PTPN21: variants seen among roughly 807,000 people sequenced by gnomAD.
PTPN21 encodes the protein tyrosine-protein phosphatase non-receptor type 21.
Under a neutral mutation model 131.8 loss-of-function variants are expected in PTPN21, and 77 were observed. That is an observed-to-expected ratio of 0.58 (90% CI 0.49 to 0.71). The LOEUF (loss-of-function observed/expected upper bound fraction) is 0.71. Among genes scored for constraint, PTPN21 ranks in the 30% least tolerant of loss-of-function variants. The pLI is 0.00. For synonymous variants in PTPN21, 715 were observed against 621.3 expected (o/e 1.15, Z -2.24); for missense variants, 1,552 against 1,527.1 (o/e 1.02, Z -0.27).
Position 88,479,600 on chromosome 14 carries a change from G to A in PTPN21, c.1831C>T (p.Leu611=). Residue 611 remains leucine (L), a synonymous_variant, in exon 13 of 19, where the codon CTG becomes TTG. Transcript: ENST00000556564. ...TCCTGCAGCGAGTGCGCCACGGGCA[G>A]GCTGTCCTCCTGGAACGTTTGCACC... is the stretch of plus-strand genomic sequence containing the variant. ...HSVQTFQEDS[L]PVAHSLQEVS... 6.3e-6 allele frequency: 10 copies of A among 1,587,524 alleles called. No homozygotes were observed. Among genetic ancestry groups the A allele is most frequent in the South Asian group, 1.1e-5 (1 of 89,548 alleles).
chr14:88,548,014 C>T (rs1425446571), intron 2 of PTPN21, among the ~76,000 whole-genome samples: 1 of 152,108 alleles, frequency 6.6e-6, no homozygotes, highest in East Asian at 1.9e-4. Context: ...AATAGATCTG[C>T]ACTTCCTTTC....
chr14:88,500,973 G>T, intron 7 of PTPN21, 102 bp from the exon 8 acceptor site: 1 of 802,438 alleles, frequency 1.2e-6, no homozygotes, highest in Non-Finnish European at 2.2e-6. Flanking sequence ...AAGTTCCGAA[G>T]ACCTACAGAG....
At position 88,472,801 on chromosome 14, in the gene PTPN21, T is replaced by C. The variant is rs192947343; in HGVS notation, c.2650-336A>G. Among the ~76,000 whole-genome samples, 659 of 151,918 alleles carry C rather than the reference T, an allele frequency of 4.3e-3. 11 individuals are homozygous for C. The highest frequency in any genetic ancestry group is 0.015 in the African/African-American group (625 of 41,426). On this transcript the variant is annotated intron_variant, in intron 14 of 18. Transcript: ENST00000556564. ...AGGAGGATTGCTTGAGCCCAGGAGG[T>C]TGAGGCTGCAGTGAACCATGAGAAC...
chr14:88,475,333 C>T (rs190848216), intron 13 of PTPN21, among the ~76,000 whole-genome samples: 1 of 152,158 alleles, frequency 6.6e-6, no homozygotes, highest in Admixed American at 6.5e-5. Flanking sequence ...TAATTGGAGA[C>T]TGTGATTGGT....
At chr14:88,490,744 C>T (rs2077810770) in intron 10 of PTPN21, among the ~76,000 whole-genome samples, 1 of 152,250 alleles carries the variant, frequency 6.6e-6, no homozygotes, top group South Asian at 2.1e-4. Flanking sequence ...GCAGGGAGCA[C>T]TCACCAGCCA....
At position 88,550,483 on chromosome 14, in the gene PTPN21, T is replaced by G. The variant is rs1310598831; in HGVS notation, c.-66A>C. The G allele has an allele frequency of 4.1e-6, 6 of 1,472,836 alleles. No homozygotes were observed. The highest frequency in any genetic ancestry group is 5.6e-6 in the Non-Finnish European group (6 of 1,072,944). 91.2% of individuals were successfully genotyped at this position (1,472,836 alleles called of 1,614,324 possible). A position where few individuals can be genotyped will look rare whatever the true frequency, so the allele number is the denominator to read the frequency against. ...GCTACCCCCACCAACCCAGCGCTGG[T>G]GACGCCAGGAGAAAGCGATCCTCTC... On this transcript the variant is annotated 5_prime_UTR_variant, in exon 2 of 19. Transcript: ENST00000556564.
intron 2 of PTPN21, among the ~76,000 whole-genome samples, chr14:88,540,413 AC>A (rs2078689417): frequency 6.6e-6 from 1 of 152,224 alleles, no homozygotes; most frequent in Non-Finnish European, 1.5e-5. Context: ...CAGCCATATC[AC>A]ATACAAAAGA....
intron 2 of PTPN21, among the ~76,000 whole-genome samples, chr14:88,522,113 G>A (rs1481935579): frequency 6.6e-6 from 1 of 152,028 alleles, no homozygotes; most frequent in Non-Finnish European, 1.5e-5. Flanking sequence ...TTTATCTAAA[G>A]GTACAAACAG....
chr14:88,468,034 C>T lies in PTPN21; in HGVS notation c.*103G>A. ...GCGCCACTTACGTCCCAGTGCCACG[C>T]TGCGTGGATCAAGTGTCAACGGGAA... On this transcript the variant is annotated 3_prime_UTR_variant, in exon 19 of 19. Transcript: ENST00000556564. 7.1e-7 allele frequency: 1 copy of T among 1,417,016 alleles called. No homozygotes were observed. Among genetic ancestry groups the T allele is most frequent in the Admixed American group, 1.9e-5 (1 of 53,968 alleles). 87.8% of individuals were successfully genotyped at this position (1,417,016 alleles called of 1,614,324 possible). A position where few individuals can be genotyped will look rare whatever the true frequency, so the allele number is the denominator to read the frequency against.
Position 88,469,404 on chromosome 14 carries a change from A to C in PTPN21, c.3235+95T>G. ...AAAACAAGTCCGAAGCTTATATGAGATAACATAAAGGAAATATTTCGGAAA... is the reference window on the plus strand; with the variant it reads ...AAAACAAGTCCGAAGCTTATATGAGCTAACATAAAGGAAATATTTCGGAAA... On this transcript the variant is annotated intron_variant, in intron 17 of 18. Transcript: ENST00000556564. This position sits in a 1 kb window ranked among gnomAD's most constrained non-coding sequence, Gnocchi z 4.3. 8.9e-6 allele frequency: 10 copies of C among 1,122,424 alleles called. No individual in the cohort carries two copies. Among genetic ancestry groups the C allele is most frequent in the Non-Finnish European group, 1.3e-5 (10 of 768,278 alleles). The allele number at this position is 1,122,424 out of a possible 1,614,324, so 69.5% of individuals were successfully genotyped here. A position where few individuals can be genotyped will look rare whatever the true frequency, so the allele number is the denominator to read the frequency against.
chr14:88,503,397 T>C (rs2078042575), intron 6 of PTPN21, among the ~76,000 whole-genome samples: 1 of 152,186 alleles, frequency 6.6e-6, no homozygotes, highest in Non-Finnish European at 1.5e-5. Flanking sequence ...ATAATGTTTA[T>C]CTTAATGAGT....
chr14:88,550,393 G>C lies in PTPN21; in HGVS notation c.25C>G (p.Leu9Val), dbSNP rs747968741. The C allele has an allele frequency of 6.2e-7, 1 of 1,614,022 alleles. No individual in the cohort carries two copies. The change falls in exon 2 of 19, where the codon CTG becomes GTG. Residue 9 changes from leucine (L) to valine (V), a missense_variant. By Grantham distance (32) the Leu-to-Val change is conservative (BLOSUM62 1). Around this residue, in one of 4 missense-constraint regions of PTPN21, gnomAD observed 206 missense variants for 221.6 expected, o/e 0.93. Coordinates refer to ENST00000556564, the MANE Select transcript of PTPN21 (RefSeq NM_007039.4). ...ACCGTGTAGCGCCGGGTGCGTTTCA[G>C]TTTCAACCCAAATGGCAGTGGCATC... MPLPFGLK[L>V]KRTRRYTVSS...
intron 3 of PTPN21, among the ~76,000 whole-genome samples, chr14:88,509,516 C>G (rs2078145312): frequency 6.6e-6 from 1 of 152,212 alleles, no homozygotes; most frequent in South Asian, 2.1e-4. Context: ...TTGGATCCAG[C>G]TTTTCTCCTT....
chr14:88,497,138 C>T (rs1489237862), intron 9 of PTPN21, 65 bp downstream of exon 9: 27 of 1,262,480 alleles, frequency 2.1e-5, no homozygotes, highest in African/African-American at 1.6e-4. Context: ...CATACAGGCA[C>T]GCAGAAGTAG....
chr14:88,525,256 T>A (rs1000432935), intron 2 of PTPN21, among the ~76,000 whole-genome samples: 1 of 149,410 alleles, frequency 6.7e-6, no homozygotes, highest in Non-Finnish European at 1.5e-5. Context: ...ATAATAATAA[T>A]AAATGAAGAA....
At position 88,554,973 on chromosome 14, in the gene PTPN21, G is replaced by T. The variant is rs1248140729; in HGVS notation, c.-525C>A. 1.1e-4 allele frequency among the ~76,000 whole-genome samples: 10 copies of T among 88,720 alleles called. 1 individual carries two copies. In the Middle Eastern group the frequency reaches 0.026, roughly 229 times the overall value. 58.2% of individuals were successfully genotyped at this position (88,720 alleles called of 152,430 possible). ...AGACCGTCGGACCGACGCGGGACGC[G>T]CGGCCGGAGCAGCGGGGCGGCCGGG... On this transcript the variant is annotated 5_prime_UTR_variant, in exon 1 of 19. Transcript: ENST00000556564.
At chr14:88,519,564 G>A (rs943799224) in intron 2 of PTPN21, among the ~76,000 whole-genome samples, 1 of 152,060 alleles carries the variant, frequency 6.6e-6, no homozygotes, top group Non-Finnish European at 1.5e-5. Flanking sequence ...CCTCATTCAA[G>A]TAAAAAATAA....
At chr14:88,474,568 T>C (rs1042794298) in intron 13 of PTPN21, among the ~76,000 whole-genome samples, 11 of 152,104 alleles carry the variant, frequency 7.2e-5, no homozygotes, top group African/African-American at 2.4e-4. Flanking sequence ...CTTTGTGTGT[T>C]AAGCCCCCTC....
chr14:88,487,560 A>G (rs1360707175), intron 10 of PTPN21, among the ~76,000 whole-genome samples: 3 of 151,466 alleles, frequency 2.0e-5, no homozygotes, highest in African/African-American at 7.3e-5. Flanking sequence ...ACTAGTACAT[A>G]CTAGTTTTAA....
Sources: gnomAD v4.1 joint callset for allele counts (sites outside exome capture counted in the v4.1 genomes callset) on GRCh38, gnomAD v4.1.1 for gene constraint, gnomAD v4.1.1 regional missense constraint, Gnocchi (gnomAD v3.1) non-coding constraint, MANE v1.5 for transcripts, NCBI Gene and HGNC (gene_info 2026-07-23, HGNC 2026-07-21) for gene names.